Variants in FHOD3 observed in about 807,000 individuals in gnomAD.
FHOD3 encodes FH1/FH2 domain-containing protein 3.
FHOD3 carries 90 observed loss-of-function variants against 173.0 expected under a neutral mutation model. The ratio of observed to expected loss-of-function variants is 0.52; its 90% CI spans 0.44 to 0.62. The LOEUF (loss-of-function observed/expected upper bound fraction) is 0.62. FHOD3 is among the 20% of genes least tolerant of loss of function. The probability of loss-of-function intolerance (pLI) is 0.00; values close to 1 mark genes in which losing one functional copy is unlikely to be tolerated. For synonymous variants in FHOD3, 828 were observed against 823.0 expected (o/e 1.01, Z -0.10); for missense variants, 1,945 against 2,034.7 (o/e 0.96, Z 0.85).
chr18:36,390,566 A>AT lies in FHOD3; in HGVS notation c.337+17829dup, dbSNP rs1180454430. Among the ~76,000 whole-genome samples the AT allele has an allele frequency of 2.0e-5, 3 of 152,098 alleles. No individual in the cohort carries two copies. The East Asian group carries it at 5.8e-4, about 29-fold the overall frequency. ...TTCTGCAAGCACATTCTGTACCTGG[A>AT]TTTTTTTCAGAAAACACTTTTTTTG... On this transcript the variant is annotated intron_variant, in intron 3 of 28. Transcript: ENST00000590592.
intron 19 of FHOD3, among the ~76,000 whole-genome samples, chr18:36,726,867 G>A (rs1379437376): frequency 1.3e-5 from 2 of 152,132 alleles, no homozygotes; most frequent in Admixed American, 6.6e-5. Context: ...TAGAGACGGG[G>A]TTTCACTATG....
intron 5 of FHOD3, among the ~76,000 whole-genome samples, chr18:36,555,786 A>T (rs1599640820): frequency 6.6e-6 from 1 of 152,280 alleles, no homozygotes; most frequent in East Asian, 1.9e-4. Context: ...ATCATTATGA[A>T]ATGACATTCT....
At chr18:36,607,676 C>A (rs1017914198) in intron 8 of FHOD3, among the ~76,000 whole-genome samples, 17 of 152,174 alleles carry the variant, frequency 1.1e-4, no homozygotes, top group Admixed American at 1.1e-3. Flanking sequence ...TCACTTCTAT[C>A]CTCTTGCATC....
chr18:36,649,175 G>C (rs1250410642), intron 10 of FHOD3, 141 bp from the exon 11 acceptor site: 6 of 595,562 alleles, frequency 1.0e-5, no homozygotes, highest in Admixed American at 3.2e-5. Context: ...CAGCCAGCTG[G>C]GTGGTTTTTT....
Position 36,649,319 on chromosome 18 carries a change from G to A in FHOD3, c.1200G>A (p.Glu400=), listed in dbSNP as rs1184351824. ...TCTTTTCCTGGCTTTGTCTCAGGGA[G>A]GAGGAGGAGGAAGAGGAGCAGCCAA... ...PNQVRDLREK[E]EEEEEEQPIT... is the part of the protein sequence containing the mutation. Residue 400 remains glutamate (E), a synonymous_variant, in exon 11 of 29, where the codon GAG becomes GAA. Coordinates refer to ENST00000590592, the MANE Select transcript of FHOD3 (RefSeq NM_001281740.3). 2.0e-6 allele frequency: 3 copies of A among 1,535,522 alleles called. No homozygotes were observed. The highest frequency in any genetic ancestry group is 3.9e-5 in the Admixed American group (2 of 50,958).
intron 11 of FHOD3, among the ~76,000 whole-genome samples, chr18:36,650,798 T>C (rs971675683): frequency 6.6e-6 from 1 of 152,210 alleles, no homozygotes; most frequent in Non-Finnish European, 1.5e-5. Flanking sequence ...AAAGGCGGCC[T>C]TCAAAGGCAT....
intron 4 of FHOD3, among the ~76,000 whole-genome samples, chr18:36,503,352 A>G (rs1002806213): frequency 2.0e-5 from 3 of 152,180 alleles, no homozygotes; most frequent in African/African-American, 7.2e-5. Context: ...TACATCCTTA[A>G]AAGATTATCT....
chr18:36,721,439 G>C (rs1390604612), intron 19 of FHOD3, among the ~76,000 whole-genome samples: 1 of 152,188 alleles, frequency 6.6e-6, no homozygotes, highest in Admixed American at 6.5e-5. Context: ...TCAGGAGTTT[G>C]AGACCAGCCT....
chr18:36,379,494 A>G (rs1398449714), intron 3 of FHOD3, among the ~76,000 whole-genome samples: 1 of 152,174 alleles, frequency 6.6e-6, no homozygotes, highest in African/African-American at 2.4e-5. Flanking sequence ...TTACTCTTCA[A>G]TGTCCATGTA....
At chr18:36,710,106 T>A (rs2040088538) in intron 18 of FHOD3, 2 of 152,232 alleles carry the variant, frequency 1.3e-5, no homozygotes, top group African/African-American at 4.8e-5. Flanking sequence ...CCAAATGGAA[T>A]GTTAGATTAT....
At chr18:36,349,876 C>T (rs919371448) in intron 1 of FHOD3, among the ~76,000 whole-genome samples, 1 of 152,158 alleles carries the variant, frequency 6.6e-6, no homozygotes, top group African/African-American at 2.4e-5. Context: ...AACAATTCTC[C>T]TGCCTGAGCC....
rs534085940 is a variant in FHOD3 at position 36,544,257 on chromosome 18, C to A, written c.511+31714C>A. Among the ~76,000 whole-genome samples the A allele has an allele frequency of 3.5e-4, 53 of 152,364 alleles. 1 individual carries two copies. Among genetic ancestry groups the A allele is most frequent in the African/African-American group, 1.2e-3 (50 of 41,596 alleles). On this transcript the variant is annotated intron_variant, in intron 5 of 28. Transcript: ENST00000590592. ...GTGCCGGGAGCTGGTGCCACCTCCC[C>A]ACCCGATCTCCCTGAACATGTGTCT...
intron 3 of FHOD3, among the ~76,000 whole-genome samples, chr18:36,398,260 A>G (rs1340830340): frequency 6.6e-6 from 1 of 152,214 alleles, no homozygotes; most frequent in Non-Finnish European, 1.5e-5. Flanking sequence ...GAATTGAACT[A>G]TTTGCACCAT....
intron 5 of FHOD3, among the ~76,000 whole-genome samples, chr18:36,538,262 C>T (rs1361383829): frequency 6.6e-6 from 1 of 151,936 alleles, no homozygotes; most frequent in Non-Finnish European, 1.5e-5. Context: ...GCTCCCACCA[C>T]AAGAAACTTG....
At chr18:36,725,995 T>TACATATGAAAGTATGTATGAC (rs1358623627) in intron 19 of FHOD3, among the ~76,000 whole-genome samples, 4 of 152,270 alleles carry the variant, frequency 2.6e-5, no homozygotes, top group African/African-American at 9.6e-5. Context: ...GACACTTTCA[T>TACATATGAAAGTATGTATGAC]ACATATATTC....
intron 17 of FHOD3, among the ~76,000 whole-genome samples, chr18:36,702,444 T>C (rs1443791828): frequency 6.6e-6 from 1 of 152,232 alleles, no homozygotes; most frequent in Non-Finnish European, 1.5e-5. Context: ...TTTTTTCTCT[T>C]GGGACCTTTT....
chr18:36,740,532 T>G, intron 20 of FHOD3, 124 bp from the exon 21 acceptor site: 1 of 995,402 alleles, frequency 1.0e-6, no homozygotes, highest in Non-Finnish European at 1.5e-6. Context: ...TTTATGACAA[T>G]ATAACACCTG....
chr18:36,469,109 C>T (rs2053124987), intron 3 of FHOD3, among the ~76,000 whole-genome samples: 1 of 152,262 alleles, frequency 6.6e-6, no homozygotes, highest in Non-Finnish European at 1.5e-5. Context: ...ACTGTGACCA[C>T]TGTGATGCCT....
intron 5 of FHOD3, among the ~76,000 whole-genome samples, chr18:36,549,300 T>C (rs1006090285): frequency 2.0e-5 from 3 of 152,204 alleles, no homozygotes; most frequent in Non-Finnish European, 4.4e-5. Flanking sequence ...TATTATTGTT[T>C]TTTAATATTT....
Sources: allele counts gnomAD v4.1 joint callset (sites outside exome capture counted in the v4.1 genomes callset), GRCh38; gene constraint gnomAD v4.1.1; transcripts MANE v1.5; gene names NCBI Gene and HGNC (gene_info 2026-07-23, HGNC 2026-07-21).